Variants in LRRC27 observed in about 807,000 individuals in gnomAD.
The protein encoded by LRRC27 is leucine-rich repeat-containing protein 27.
In LRRC27, 57 loss-of-function variants were observed where a neutral mutation model predicts 55.0. The ratio of observed to expected loss-of-function variants is 1.04; its 90% confidence interval spans 0.84 to 1.29. The LOEUF (loss-of-function observed/expected upper bound fraction) is 1.29, where lower values mean the gene tolerates loss of function less well. Among genes scored for constraint, LRRC27 ranks in the 50% most tolerant of loss-of-function variants. The pLI is 0.00. For missense variants in LRRC27, 721 were observed against 651.5 expected, an observed-to-expected ratio of 1.11 and a Z score of -1.16; for synonymous variants, 278 against 251.9, an observed-to-expected ratio of 1.10 and a Z score of -0.98.
At chr10:132,364,516 CT>C in intron 9 of LRRC27, among the ~76,000 whole-genome samples, 2 of 117,054 alleles carry the variant, frequency 1.7e-5, no homozygotes, top group Non-Finnish European at 3.4e-5. Flanking sequence ...TACCTCCACA[CT>C]CGCACTTACA....
At chr10:132,347,654 G>C (rs1032040366) in intron 5 of LRRC27, among the ~76,000 whole-genome samples, 2 of 151,488 alleles carry the variant, frequency 1.3e-5, no homozygotes, top group African/African-American at 4.9e-5. Context: ...GGCCTGGTGG[G>C]GCCTGCAGGG....
chr10:132,363,507 C>G (rs533809367), intron 9 of LRRC27, among the ~76,000 whole-genome samples: 4 of 152,300 alleles, frequency 2.6e-5, no homozygotes, highest in African/African-American at 7.2e-5. Flanking sequence ...GGGCCCCTCC[C>G]TCGCACCTCC....
chr10:132,352,530 G>A (rs1332285205), intron 7 of LRRC27, among the ~76,000 whole-genome samples: 2 of 71,058 alleles, frequency 2.8e-5, no homozygotes, highest in African/African-American at 1.3e-4. Flanking sequence ...GCAGCGCTCC[G>A]TGTGGGGCAG....
intron 8 of LRRC27, among the ~76,000 whole-genome samples, chr10:132,357,355 C>T (rs1020798265): frequency 6.6e-6 from 1 of 152,176 alleles, no homozygotes; most frequent in Non-Finnish European, 1.5e-5. Flanking sequence ...AAAATACTTG[C>T]ACAATTGGAC....
intron 2 of LRRC27, chr10:132,336,893 C>G: frequency 2.9e-6 from 2 of 691,594 alleles, no homozygotes; most frequent in South Asian, 1.7e-5. Flanking sequence ...TCCTTCCACA[C>G]TGTGACTGTA....
intron 5 of LRRC27, 28 bp from the exon 6 acceptor site, chr10:132,347,956 C>T: frequency 6.4e-7 from 1 of 1,563,610 alleles, no homozygotes; most frequent in Non-Finnish European, 8.6e-7. Context: ...TTGATGGTAG[C>T]TACTAAAGCG....
intron 8 of LRRC27, among the ~76,000 whole-genome samples, chr10:132,361,195 C>A (rs2068598641): frequency 6.6e-6 from 1 of 152,126 alleles, no homozygotes; most frequent in African/African-American, 2.4e-5. Flanking sequence ...CCCAGGGTCC[C>A]CTCACTCTGC....
upstream of LRRC27, chr10:132,331,795 T>C (rs2138536192): frequency 6.2e-7 from 1 of 1,600,058 alleles, no homozygotes. Context: ...CCTCGCGGTC[T>C]CTACTTGCCC....
At chr10:132,332,944 CA>C (rs2066886244) in intron 1 of LRRC27, among the ~76,000 whole-genome samples, 1 of 152,280 alleles carries the variant, frequency 6.6e-6, no homozygotes, top group Non-Finnish European at 1.5e-5. Context: ...TGTTGCTGGA[CA>C]ACGAAAATTC....
intron 8 of LRRC27, among the ~76,000 whole-genome samples, chr10:132,356,283 G>A (rs936308132): frequency 2.0e-5 from 3 of 152,246 alleles, no homozygotes; most frequent in East Asian, 1.9e-4. Flanking sequence ...CGAGGTGAGC[G>A]CTACAGAGGT....
In LRRC27 at chr10:132,380,500, G is replaced by A. The variant is rs1189710466; in HGVS notation, c.*5258G>A. 1.3e-5 allele frequency among the ~76,000 whole-genome samples: 2 copies of A among 151,758 alleles called. No individual in the cohort carries two copies. Among genetic ancestry groups the A allele is most frequent in the Non-Finnish European group, 2.9e-5 (2 of 67,966 alleles). On this transcript the variant is annotated 3_prime_UTR_variant, in exon 11 of 11. Transcript: ENST00000368614. ...AGTACATTGTGTATCACGGTAAAAA[G>A]TGATCTGTTTTAACTGGACATGGTG...
At position 132,375,753 on chromosome 10, in the gene LRRC27, G is replaced by T. The variant is rs2069329917; in HGVS notation, c.*511G>T. On this transcript the variant is annotated 3_prime_UTR_variant, in exon 11 of 11. Coordinates refer to ENST00000368614, the MANE Select transcript of LRRC27 (RefSeq NM_030626.3). Reference sequence around the variant, plus strand: ...CCAGTGACAAGCCCTCCTTTCCCCTGGGGGCCCTCCTTTCCCCTGCTCCCT... The same window carrying T: ...CCAGTGACAAGCCCTCCTTTCCCCTTGGGGCCCTCCTTTCCCCTGCTCCCT... 1 of 152,714 alleles carries T rather than the reference G, an allele frequency of 6.5e-6. No individual in the cohort carries two copies. Among genetic ancestry groups the T allele is most frequent in the South Asian group, 2.1e-4 (1 of 4,866 alleles). 9.5% of individuals were successfully genotyped at this position (152,714 alleles called of 1,614,324 possible). A position where few individuals can be genotyped will look rare whatever the true frequency, so the allele number is the denominator to read the frequency against.
At chr10:132,339,885 G>A (rs999633141) in intron 3 of LRRC27, among the ~76,000 whole-genome samples, 5 of 152,184 alleles carry the variant, frequency 3.3e-5, no homozygotes, top group African/African-American at 1.2e-4. Context: ...GTCAAAGCTG[G>A]CTGCCTATGT....
intron 10 of LRRC27, 147 bp downstream of exon 10, chr10:132,365,697 G>T: frequency 1.0e-6 from 1 of 973,650 alleles, no homozygotes; most frequent in South Asian, 1.7e-5. Flanking sequence ...CACCTCCCAG[G>T]TTCAAGCGAT....
rs1012890378 is a variant in LRRC27 at position 132,341,078 on chromosome 10, T to G, written c.342-1135T>G. Among the ~76,000 whole-genome samples the G allele has an allele frequency of 3.3e-5, 5 of 152,264 alleles. No homozygotes were observed. In the East Asian group the frequency reaches 9.6e-4, roughly 29 times the overall value. On this transcript the variant is annotated intron_variant, in intron 3 of 10. Transcript: ENST00000368614. ...TGAGAGGCTGAGGCGGGAGGATCAC[T>G]TGAGCCCAGGAGTTCAAAACTGGCT...
intron 3 of LRRC27, among the ~76,000 whole-genome samples, chr10:132,340,592 G>A (rs1190557133): frequency 6.6e-6 from 1 of 152,138 alleles, no homozygotes; most frequent in East Asian, 1.9e-4. Context: ...CAAAAACAGT[G>A]AACTGAACGA....
intron 8 of LRRC27, 145 bp from the exon 9 acceptor site, chr10:132,361,312 C>A (rs970317038): frequency 1.4e-6 from 1 of 725,654 alleles, no homozygotes; most frequent in Non-Finnish European, 2.5e-6. Flanking sequence ...GGGATGACTG[C>A]GTTGCACAGG....
rs570818001 is a variant in LRRC27 at position 132,372,288 on chromosome 10, G to A, written c.1417-2778G>A. Among the ~76,000 whole-genome samples, 97 of 151,462 alleles carry A rather than the reference G, an allele frequency of 6.4e-4. No individual in the cohort carries two copies. Among genetic ancestry groups the A allele is most frequent in the Non-Finnish European group, 1.0e-3 (69 of 67,840 alleles). ...CACAGAAGGATGGGAAGTGGGGGTCGGGGTGCGGTGACTCACGCCTGCAAT... is the reference window on the plus strand; with the variant it reads ...CACAGAAGGATGGGAAGTGGGGGTCAGGGTGCGGTGACTCACGCCTGCAAT... On this transcript the variant is annotated intron_variant, in intron 10 of 10. Coordinates refer to ENST00000368614, the MANE Select transcript of LRRC27 (RefSeq NM_030626.3). This position sits in a 1 kb window ranked among gnomAD's most constrained non-coding sequence, Gnocchi z 4.0.
In LRRC27 at chr10:132,348,094, G is replaced by T. The variant is rs768885917; in HGVS notation, c.664G>T (p.Gly222Trp). The T allele has an allele frequency of 8.1e-6, 13 of 1,614,018 alleles. No individual in the cohort carries two copies. The highest frequency in any genetic ancestry group is 8.5e-7 in the Non-Finnish European group (1 of 1,180,056). ...QGAVNAQDPE[G>W]AVMKEKASFL... is the part of the protein sequence containing the mutation. ...AGCTGTGAACGCTCAGGACCCAGAG[G>T]GGGCTGTGATGAAAGAGAAGGCCAG... The change falls in exon 6 of 11, where the codon GGG (glycine) becomes TGG (tryptophan). Residue 222 changes from glycine to tryptophan, a missense_variant. Physicochemically the swap from Gly to Trp is radical, Grantham distance 184 (BLOSUM62 -2). Coordinates refer to ENST00000368614, the MANE Select transcript of LRRC27 (RefSeq NM_030626.3). This position sits in a 1 kb window ranked among gnomAD's most constrained non-coding sequence, Gnocchi z 4.2.
Sources: allele counts gnomAD v4.1 joint callset (sites outside exome capture counted in the v4.1 genomes callset), GRCh38; gene constraint gnomAD v4.1.1; non-coding constraint Gnocchi (gnomAD v3.1); transcripts MANE v1.5; gene names NCBI Gene and HGNC (gene_info 2026-07-23, HGNC 2026-07-21).